The following ANAPC5 variants were observed in gnomAD, a reference collection of about 807,000 sequenced individuals.
The protein encoded by ANAPC5 is anaphase promoting complex subunit 5.
ANAPC5 carries 60 observed loss-of-function variants against 91.3 expected under a neutral mutation model. That is an observed-to-expected ratio of 0.66 (90% CI 0.53 to 0.81). The LOEUF is 0.81. Ranked by LOEUF, ANAPC5 falls within the 40% of genes least tolerant of loss-of-function variation. The pLI is 0.00. For missense variants in ANAPC5, 690 were observed against 931.5 expected (o/e 0.74, Z 3.37); for synonymous variants, 340 against 364.1 (o/e 0.93, Z 0.75).
intron 8 of ANAPC5, 197 bp from the exon 9 acceptor site, chr12:121,330,869 G>A: frequency 2.0e-6 from 1 of 508,296 alleles, no homozygotes; most frequent in Non-Finnish European, 3.5e-6. Flanking sequence ...AAATAAATGA[G>A]TCATTGTTCT....
rs1426189085 is a variant in ANAPC5 at position 121,331,367 on chromosome 12, C to A, written c.1012G>T (p.Val338Leu). ...IRIAQESNDH[V>L]CLQHCLSWLY... ...CTCACCAAACAGTGCTGGAGACACA[C>A]GTGATCGTTGGACTCCTGGGCAATC... The change falls in exon 8 of 17, where the codon GTG (valine) becomes TTG (leucine). Residue 338 changes from valine (V) to leucine (L), a missense_variant. Coordinates refer to ENST00000261819, the MANE Select transcript of ANAPC5 (RefSeq NM_016237.5). 4 of 1,608,758 alleles carry A rather than the reference C, an allele frequency of 2.5e-6. No homozygotes were observed. The highest frequency in any genetic ancestry group is 3.4e-6 in the Non-Finnish European group (4 of 1,175,458).
rs1903919773 is a variant in ANAPC5, at chr12:121,352,175, C to A, written c.166G>T (p.Glu56Ter). 1.2e-6 allele frequency: 2 copies of A among 1,612,934 alleles called. No individual in the cohort carries two copies. Among genetic ancestry groups the A allele is most frequent in the Non-Finnish European group, 1.7e-6 (2 of 1,179,228 alleles). Reference protein sequence around the residue: ...RTGEGAVSLMERRRLNQLLLP... With the variant: ...RTGEGAVSLM The stretch of plus-strand genomic sequence containing the variant: ...AGCAGCTGGTTGAGCCTCCGCCGCT[C>A]CATGAGGCTGACGGCGCCCTCGCCT... Residue 56 changes from glutamate to a stop codon, truncating the protein, a stop_gained, in exon 1 of 17, where the codon GAG becomes TAG. Transcript: ENST00000261819. LOFTEE classifies it high-confidence loss of function.
At position 121,352,400 on chromosome 12, in the gene ANAPC5, C is replaced by A. The variant is rs185132727; in HGVS notation, c.-60G>T. On this transcript the variant is annotated 5_prime_UTR_variant, in exon 1 of 17. Coordinates refer to ENST00000261819, the MANE Select transcript of ANAPC5 (RefSeq NM_016237.5). ...GCTGCCGCCAGTTGTCACCACAAGG[C>A]ACAACACTACCGGGTCTACATCTCC... 3 of 1,365,870 alleles carry A rather than the reference C, an allele frequency of 2.2e-6. No homozygotes were observed. The highest frequency in any genetic ancestry group is 2.3e-5 in the East Asian group (1 of 43,070). 84.6% of individuals were successfully genotyped at this position (1,365,870 alleles called of 1,614,324 possible).
chr12:121,309,715 G>C lies in ANAPC5; in HGVS notation c.2042C>G (p.Pro681Arg). 1 of 1,613,622 alleles carries C rather than the reference G, an allele frequency of 6.2e-7. No individual in the cohort carries two copies. Among genetic ancestry groups the C allele is most frequent in the Non-Finnish European group, 8.5e-7 (1 of 1,179,838 alleles). ...QVASAASYDQ[P>R]KKAEALEAAI... Reference sequence around the variant, plus strand: ...CAGCTTCCTACCTTCTGCTTTCTTCGGCTGATCGTAGGAAGCTGCTGAAGC... The same window carrying C: ...CAGCTTCCTACCTTCTGCTTTCTTCCGCTGATCGTAGGAAGCTGCTGAAGC... The change falls in exon 16 of 17, where the codon CCG becomes CGG. Residue 681 changes from proline (P) to arginine (R), a missense_variant. By Grantham distance (103) the Pro-to-Arg change is moderately radical (BLOSUM62 -2). This residue lies in a region of ANAPC5 where 317 missense variants were observed against 438.7 expected (regional missense o/e 0.72). Coordinates refer to ENST00000261819, the MANE Select transcript of ANAPC5 (RefSeq NM_016237.5).
At chr12:121,349,621 T>C (rs1011545192) in intron 1 of ANAPC5, among the ~76,000 whole-genome samples, 1 of 150,394 alleles carries the variant, frequency 6.6e-6, no homozygotes, top group Non-Finnish European at 1.5e-5. Flanking sequence ...AAAATAACTA[T>C]ATAGTAGTTA....
chr12:121,312,449 G>A (rs576340812), intron 15 of ANAPC5, among the ~76,000 whole-genome samples: 69 of 152,024 alleles, frequency 4.5e-4, no homozygotes, highest in African/African-American at 1.7e-3. Flanking sequence ...GCTCACACCT[G>A]TAATCCCAGC....
chr12:121,321,953 C>A (rs539101540), intron 11 of ANAPC5, among the ~76,000 whole-genome samples: 89 of 151,852 alleles, frequency 5.9e-4, no homozygotes, highest in Admixed American at 1.6e-3. Context: ...GCAACCTCTG[C>A]CTCCCGCGTT....
chr12:121,314,375 C>T (rs1902274584), intron 15 of ANAPC5, among the ~76,000 whole-genome samples: 1 of 152,068 alleles, frequency 6.6e-6, no homozygotes, highest in South Asian at 2.1e-4. Context: ...TGCACCACTG[C>T]ATTCCAGCCT....
intron 11 of ANAPC5, among the ~76,000 whole-genome samples, chr12:121,323,099 T>A (rs1456118290): frequency 6.6e-6 from 1 of 152,152 alleles, no homozygotes; most frequent in Non-Finnish European, 1.5e-5. Context: ...CTTTGAGATA[T>A]ATTACTAAAT....
chr12:121,339,857 G>C (rs1201028252), intron 5 of ANAPC5, among the ~76,000 whole-genome samples: 1 of 127,698 alleles, frequency 7.8e-6, no homozygotes, highest in African/African-American at 3.0e-5. Flanking sequence ...TCTCCTACAT[G>C]TTTTCTTCCA....
chr12:121,347,261 C>A, intron 2 of ANAPC5: 2 of 442,440 alleles, frequency 4.5e-6, no homozygotes, highest in South Asian at 3.1e-5. Flanking sequence ...TCTGCAATGA[C>A]TAAAAAGAGT....
intron 4 of ANAPC5, among the ~76,000 whole-genome samples, chr12:121,344,581 C>CAAAA (rs58016198): frequency 1.2e-5 from 1 of 81,826 alleles, no homozygotes. Context: ...GACTTGATCT[C>CAAAA]AAAAAAAAAA....
intron 1 of ANAPC5, chr12:121,350,928 A>C: frequency 3.0e-6 from 1 of 334,746 alleles, no homozygotes; most frequent in Admixed American, 4.2e-5. Context: ...ATATGTGAAC[A>C]CACTAAAATG....
chr12:121,328,151 C>T (rs1902893838), intron 10 of ANAPC5, 165 bp downstream of exon 10: 1 of 641,330 alleles, frequency 1.6e-6, no homozygotes, highest in African/African-American at 1.8e-5. Context: ...AGTTTTCAGT[C>T]TGTGCAAAAT....
intron 1 of ANAPC5, among the ~76,000 whole-genome samples, chr12:121,349,280 GC>G (rs1347259232): frequency 4.6e-5 from 7 of 152,160 alleles, no homozygotes; most frequent in African/African-American, 9.7e-5. Flanking sequence ...ACAGTAGGGG[GC>G]CAGGTGTGGT....
At chr12:121,335,410 C>G in intron 7 of ANAPC5, 123 bp downstream of exon 7, 1 of 1,103,274 alleles carries the variant, frequency 9.1e-7, no homozygotes, top group South Asian at 1.8e-5. Flanking sequence ...ACGTGATCCA[C>G]CCGCCTTGGC....
At chr12:121,325,791 CCA>C (rs1402876019) in intron 11 of ANAPC5, among the ~76,000 whole-genome samples, 2 of 152,132 alleles carry the variant, frequency 1.3e-5, no homozygotes, top group Non-Finnish European at 2.9e-5. Flanking sequence ...TGCTTGAACC[CCA>C]GAGGCAGAGG....
In ANAPC5 at chr12:121,328,338, T is replaced by C. The variant is rs782067427; in HGVS notation, c.1282A>G (p.Ile428Val). ...TACCTGCGGCCATACAGCCTCCAGA[T>C]GGCCGTTTTCTGTGCGATGCTGATA... Reference protein sequence around the residue: ...IDISIAQKTAIWRLYGRSTMA... With the variant: ...IDISIAQKTAVWRLYGRSTMA... Residue 428 changes from isoleucine (I) to valine (V), a missense_variant, in exon 10 of 17, where the codon ATC (isoleucine) becomes GTC (valine). This residue lies in a region of ANAPC5 where 317 missense variants were observed against 438.7 expected (regional missense o/e 0.72). Transcript: ENST00000261819. 4 of 1,613,884 alleles carry C rather than the reference T, an allele frequency of 2.5e-6. No individual in the cohort carries two copies. The highest frequency in any genetic ancestry group is 2.5e-6 in the Non-Finnish European group (3 of 1,179,974).
In ANAPC5 at chr12:121,320,453, A is replaced by G; in HGVS notation, c.1447T>C (p.Phe483Leu). Residue 483 changes from phenylalanine (F) to leucine (L), a missense_variant, in exon 12 of 17, where the codon TTT becomes CTT. Phe to Leu is a conservative substitution (Grantham distance 22). This residue lies in a region of ANAPC5 where 317 missense variants were observed against 438.7 expected (regional missense o/e 0.72). Coordinates refer to ENST00000261819, the MANE Select transcript of ANAPC5 (RefSeq NM_016237.5). ...LAELHAEQGC[F>L]AAASEVLKHL... ...TTTAACACTTCAGAAGCTGCAGCAA[A>G]ACAGCCCTAAAGTAGAAACACACAA... 1 of 1,613,754 alleles carries G rather than the reference A, an allele frequency of 6.2e-7. No individual in the cohort carries two copies. Among genetic ancestry groups the G allele is most frequent in the Non-Finnish European group, 8.5e-7 (1 of 1,179,700 alleles).
Sources: gnomAD v4.1 joint callset for allele counts (sites outside exome capture counted in the v4.1 genomes callset) on GRCh38, gnomAD v4.1.1 for gene constraint, gnomAD v4.1.1 regional missense constraint, MANE v1.5 for transcripts, NCBI Gene and HGNC (gene_info 2026-07-23, HGNC 2026-07-21) for gene names.